The following CHD2 variants were observed in gnomAD, a reference collection of about 807,000 sequenced individuals.
The protein encoded by CHD2 is chromodomain helicase DNA binding protein 2, also known as ATP-dependent chromatin remodeler CHD2.
A neutral mutation model predicts 243.9 loss-of-function variants in CHD2; 28 were observed. The ratio of observed to expected loss-of-function variants is 0.11; its 90% CI spans 0.09 to 0.16. The LOEUF is 0.16. Among genes scored for constraint, CHD2 ranks in the 10% least tolerant of loss-of-function variants. The probability of loss-of-function intolerance (pLI) is 1.00; values close to 1 mark genes in which losing one functional copy is unlikely to be tolerated. For synonymous variants in CHD2, 775 were observed against 779.0 expected, an observed-to-expected ratio of 0.99 and a Z score of 0.09; for missense variants, 1,386 against 2,209.8, an observed-to-expected ratio of 0.63 and a Z score of 7.47.
chr15:92,977,548 A>G (rs1009620338), intron 20 of CHD2, among the ~76,000 whole-genome samples: 3 of 152,142 alleles, frequency 2.0e-5, no homozygotes, highest in South Asian at 4.1e-4. Context: ...TCCTGCCCCC[A>G]TATTTTTCTG....
At chr15:93,021,720 T>A (rs1451182192) in intron 38 of CHD2, 1 of 152,254 alleles carries the variant, frequency 6.6e-6, no homozygotes, top group Non-Finnish European at 1.5e-5. Flanking sequence ...GGTCTTTTTA[T>A]ATATGTTCTG....
chr15:92,931,954 C>T lies in CHD2; in HGVS notation c.443+2863C>T, dbSNP rs193267291. The stretch of plus-strand genomic sequence containing the variant: ...CTCGGCTCACTGCAGCCTCCGCCTC[C>T]GGGGTTCAAGCAATTCTCCTGCCTT... On this transcript the variant is annotated intron_variant, in intron 5 of 38. Transcript: ENST00000394196. Among the ~76,000 whole-genome samples the T allele has an allele frequency of 3.4e-4, 52 of 151,780 alleles. 2 individuals carry two copies. Among genetic ancestry groups the T allele is most frequent in the African/African-American group, 1.2e-3 (50 of 41,368 alleles).
At chr15:92,984,076 A>G (rs1250436413) in intron 24 of CHD2, among the ~76,000 whole-genome samples, 1 of 152,222 alleles carries the variant, frequency 6.6e-6, no homozygotes, top group Non-Finnish European at 1.5e-5. Flanking sequence ...AAAACTTATA[A>G]AAACAATTTG....
At chr15:92,945,797 C>T in intron 10 of CHD2, 24 bp from the exon 11 acceptor site, 1 of 1,471,262 alleles carries the variant, frequency 6.8e-7, no homozygotes. Context: ...TATAACTTTT[C>T]TGTCTTATTT....
At chr15:92,915,360 C>T (rs943566892) in intron 2 of CHD2, among the ~76,000 whole-genome samples, 2 of 152,026 alleles carry the variant, frequency 1.3e-5, no homozygotes, top group African/African-American at 4.8e-5. Flanking sequence ...CTGCAAGCTC[C>T]GCCTCCCGGG....
At chr15:92,901,436 A>G (rs1349195255) in intron 2 of CHD2, 137 bp downstream of exon 2, 2 of 656,674 alleles carry the variant, frequency 3.0e-6, no homozygotes, top group Middle Eastern at 2.5e-4. Flanking sequence ...TTTTTAAAGC[A>G]TGACCTTGAG....
chr15:93,020,243 G>C lies in CHD2; in HGVS notation c.5138G>C (p.Arg1713Thr). The C allele has an allele frequency of 1.2e-6, 2 of 1,614,170 alleles. No homozygotes were observed. Among genetic ancestry groups the C allele is most frequent in the Non-Finnish European group, 8.5e-7 (1 of 1,180,034 alleles). ...YSSDRDHRGHRDYYDRHHHDS... is the reference protein window; with the variant it reads ...YSSDRDHRGHTDYYDRHHHDS... ...AGTGACCGAGACCACCGGGGACACA[G>C]AGATTATTATGACAGGTATGCAAAA... Residue 1713 changes from arginine to threonine, a missense_variant, in exon 38 of 39, where the codon AGA becomes ACA. By Grantham distance (71) the Arg-to-Thr change is moderately conservative. Transcript: ENST00000394196.
intron 11 of CHD2, 59 bp from the exon 12 acceptor site, chr15:92,945,979 G>A (rs2141795267): frequency 6.6e-7 from 1 of 1,505,326 alleles, no homozygotes; most frequent in Non-Finnish European, 9.0e-7. Flanking sequence ...AAAACAGAAT[G>A]TCATTTTTCA....
intron 2 of CHD2, among the ~76,000 whole-genome samples, chr15:92,904,165 G>A (rs1471150938): frequency 6.6e-6 from 1 of 152,208 alleles, no homozygotes; most frequent in African/African-American, 2.4e-5. Context: ...TGAGCCCCTG[G>A]CATCTTGATG....
chr15:92,907,791 CTGTT>C, intron 2 of CHD2, among the ~76,000 whole-genome samples: 1 of 152,166 alleles, frequency 6.6e-6, no homozygotes, highest in East Asian at 1.9e-4. Context: ...TTTATTCTTA[CTGTT>C]TGTTTCATCT....
intron 16 of CHD2, among the ~76,000 whole-genome samples, chr15:92,962,771 G>A (rs1007039194): frequency 6.6e-6 from 1 of 152,092 alleles, no homozygotes; most frequent in Non-Finnish European, 1.5e-5. Flanking sequence ...TTGAGTTTTT[G>A]TCTTCTAGTC....
chr15:92,985,627 G>T lies in CHD2; in HGVS notation c.3367G>T (p.Val1123Leu), dbSNP rs1295966448. ...AAAGCGCAGAGGGCGTCCGAGGAGT[G>T]TGCGGAAGGACCTCGTGGAGGGATT... Reference protein sequence around the residue: ...KPKRRGRPRSVRKDLVEGFTD... With the variant: ...KPKRRGRPRSLRKDLVEGFTD... Residue 1123 changes from valine (V) to leucine (L), a missense_variant, in exon 26 of 39, where the codon GTG becomes TTG. By Grantham distance (32) the Val-to-Leu change is conservative. This residue lies in a region of CHD2 where 18 missense variants were observed against 20.6 expected (regional missense o/e 0.88). Coordinates refer to ENST00000394196, the MANE Select transcript of CHD2 (RefSeq NM_001271.4). 6 of 1,613,638 alleles carry T rather than the reference G, an allele frequency of 3.7e-6. No homozygotes were observed. Among genetic ancestry groups the T allele is most frequent in the Non-Finnish European group, 5.1e-6 (6 of 1,179,988 alleles).
intron 32 of CHD2, among the ~76,000 whole-genome samples, chr15:93,000,899 G>A (rs1423816217): frequency 2.0e-5 from 3 of 152,154 alleles, no homozygotes; most frequent in African/African-American, 4.8e-5. Flanking sequence ...ATGAAGTCTC[G>A]CTCTTGTCCG....
intron 37 of CHD2, among the ~76,000 whole-genome samples, chr15:93,015,886 A>T (rs2054453634): frequency 6.6e-6 from 1 of 152,222 alleles, no homozygotes; most frequent in Non-Finnish European, 1.5e-5. Context: ...GAGGAAAGGG[A>T]ACCCAGCGCA....
At chr15:92,925,688 T>G (rs2053046522) in intron 3 of CHD2, among the ~76,000 whole-genome samples, 1 of 152,142 alleles carries the variant, frequency 6.6e-6, no homozygotes, top group South Asian at 2.1e-4. Flanking sequence ...TTTCAGAGTG[T>G]TTTATGTTTA....
At chr15:92,917,903 A>G (rs2052873676) in intron 2 of CHD2, among the ~76,000 whole-genome samples, 1 of 152,252 alleles carries the variant, frequency 6.6e-6, no homozygotes, top group Admixed American at 6.5e-5. Flanking sequence ...TATCACTGGC[A>G]GGAAGTTAGC....
rs2054075661 is a variant in CHD2 at position 92,988,615 on chromosome 15, T to C, written c.3414-2861T>C. Reference sequence around the variant, plus strand: ...CTCTATTTTGGCTTAGCTCGCACTGTTAATTTCATCTTCATTTTTGAAGGA... The same window carrying C: ...CTCTATTTTGGCTTAGCTCGCACTGCTAATTTCATCTTCATTTTTGAAGGA... On this transcript the variant is annotated intron_variant, in intron 26 of 38. Transcript: ENST00000394196. 2.0e-5 allele frequency among the ~76,000 whole-genome samples: 3 copies of C among 152,368 alleles called. No homozygotes were observed. In the South Asian group the frequency reaches 6.2e-4, roughly 32 times the overall value.
At position 92,980,901 on chromosome 15, in the gene CHD2, C is replaced by T; in HGVS notation, c.2963C>T (p.Ser988Leu). ...DLFKELEGEE[S>L]EPQEMDIDEI... ...TTCAAAGAACTGGAAGGGGAGGAAT[C>T]AGAACCTCAGGTAATTAACAATGAG... The change falls in exon 23 of 39, where the codon TCA (serine) becomes TTA (leucine). Residue 988 changes from serine (S) to leucine (L), a missense_variant. By Grantham distance (145) the Ser-to-Leu change is moderately radical (BLOSUM62 -2). Around this residue, in one of 19 missense-constraint regions of CHD2, gnomAD observed 99 missense variants for 206.4 expected, o/e 0.48. Transcript: ENST00000394196. 6.2e-7 allele frequency: 1 copy of T among 1,611,884 alleles called. No homozygotes were observed. Among genetic ancestry groups the T allele is most frequent in the Non-Finnish European group, 8.5e-7 (1 of 1,178,174 alleles).
In CHD2 at chr15:92,946,220, T is replaced by C. The variant is rs2053464708; in HGVS notation, c.1377+4T>C. On this transcript the variant is annotated splice_donor_region_variant and intron_variant, in intron 12 of 38. Coordinates refer to ENST00000394196, the MANE Select transcript of CHD2 (RefSeq NM_001271.4). ...CATCCCAACAAGAGAATGCAAGGTA[T>C]GGTGATGGTTGGCTTTTGTTTTTTC... The C allele has an allele frequency of 3.8e-6, 6 of 1,598,890 alleles. No individual in the cohort carries two copies. The highest frequency in any genetic ancestry group is 5.1e-6 in the Non-Finnish European group (6 of 1,170,716).
Sources: gnomAD v4.1 joint callset for allele counts (sites outside exome capture counted in the v4.1 genomes callset) on GRCh38, gnomAD v4.1.1 for gene constraint, gnomAD v4.1.1 regional missense constraint, MANE v1.5 for transcripts, NCBI Gene and HGNC (gene_info 2026-07-23, HGNC 2026-07-21) for gene names.